Variants in METTL15 observed in about 807,000 individuals in gnomAD.
METTL15 encodes methyltransferase 15, mitochondrial 12S rRNA N4-cytidine, also known as 12S rRNA N(4)-cytidine methyltransferase METTL15.
Under a neutral mutation model 38.3 loss-of-function variants are expected in METTL15, and 34 were observed. The observed-to-expected ratio is 0.89, with a 90% confidence interval of 0.68 to 1.18. The LOEUF is 1.18. Ranked by LOEUF, METTL15 falls within the 50% of genes most tolerant of loss-of-function variation. The probability of loss-of-function intolerance (pLI) is 0.00; values close to 1 mark genes in which losing one functional copy is unlikely to be tolerated. For synonymous variants in METTL15, 162 were observed against 170.9 expected (o/e 0.95, Z 0.41); for missense variants, 438 against 498.4 (o/e 0.88, Z 1.15).
chr11:28,254,871 G>GA (rs1159616091), intron 4 of METTL15, among the ~76,000 whole-genome samples: 7 of 151,980 alleles, frequency 4.6e-5, no homozygotes, highest in African/African-American at 1.7e-4. Context: ...TATTATCTCT[G>GA]TAGTGTAATT....
At chr11:28,489,492 G>A (rs12276393) in intron 6 of METTL15, among the ~76,000 whole-genome samples, 2,838 of 152,228 alleles carry the variant, frequency 0.019, 55 homozygotes, top group African/African-American at 0.053. Context: ...TAAACAGGAT[G>A]TAGTTACTAT....
chr11:28,474,915 A>G (rs751750625), intron 6 of METTL15, among the ~76,000 whole-genome samples: 2 of 152,200 alleles, frequency 1.3e-5, no homozygotes, highest in Non-Finnish European at 2.9e-5. Context: ...TAAGTGCCCT[A>G]TGTTTAACAC....
intron 6 of METTL15, among the ~76,000 whole-genome samples, chr11:28,515,158 G>T (rs1014112875): frequency 3.9e-5 from 6 of 152,110 alleles, no homozygotes; most frequent in African/African-American, 1.4e-4. Context: ...GCATAAGAAA[G>T]AATAAATGAT....
chr11:28,123,263 A>AG (rs1473001992), intron 3 of METTL15, among the ~76,000 whole-genome samples: 2 of 152,136 alleles, frequency 1.3e-5, no homozygotes, highest in Non-Finnish European at 2.9e-5. Flanking sequence ...AGTTACTGCA[A>AG]GAGTCTAGGC....
At chr11:28,491,180 C>A (rs1464171869) in intron 6 of METTL15, among the ~76,000 whole-genome samples, 1 of 151,998 alleles carries the variant, frequency 6.6e-6, no homozygotes. Context: ...CTGTTTGGAC[C>A]CTATAATTTT....
At chr11:28,119,587 G>A (rs1001651680) in intron 3 of METTL15, among the ~76,000 whole-genome samples, 1 of 151,998 alleles carries the variant, frequency 6.6e-6, no homozygotes, top group African/African-American at 2.4e-5. Context: ...TGCTAGGTTC[G>A]GTTATAAATA....
intron 4 of METTL15, among the ~76,000 whole-genome samples, chr11:28,252,968 A>G (rs1465402259): frequency 6.6e-6 from 1 of 152,072 alleles, no homozygotes; most frequent in African/African-American, 2.4e-5. Context: ...GGTTTCCCTC[A>G]TTCACTCTGC....
chr11:28,117,753 C>G (rs746401367), intron 3 of METTL15, among the ~76,000 whole-genome samples: 8 of 152,168 alleles, frequency 5.3e-5, no homozygotes, highest in Non-Finnish European at 8.8e-5. Flanking sequence ...TGCTGTCTGG[C>G]AGACAGCTTT....
chr11:28,124,289 T>G (rs1264620187), intron 3 of METTL15, among the ~76,000 whole-genome samples: 2 of 152,110 alleles, frequency 1.3e-5, no homozygotes, highest in Non-Finnish European at 2.9e-5. Context: ...GACAGCTATT[T>G]GGCCTAACGT....
chr11:28,379,107 CT>C lies in METTL15; in HGVS notation c.*358+17079del, dbSNP rs1003452557. On this transcript the variant is annotated intron_variant and NMD_transcript_variant, in intron 5 of 7. Transcript: ENST00000532947. ...TGATTTTATTTATTTTTGGTGTACT[CT>C]TTTTTTTCCTCCCTAAATGTTTGTT... is the stretch of plus-strand genomic sequence containing the variant. Among the ~76,000 whole-genome samples the C allele has an allele frequency of 1.3e-4, 20 of 151,688 alleles. No individual in the cohort carries two copies. The South Asian group carries it at 3.3e-3, about 25-fold the overall frequency.
intron 3 of METTL15, among the ~76,000 whole-genome samples, chr11:28,342,004 A>G (rs769502015): frequency 6.6e-6 from 1 of 152,186 alleles, no homozygotes; most frequent in Non-Finnish European, 1.5e-5. Flanking sequence ...TTTAAAAAAC[A>G]TTCATGAGAA....
chr11:28,520,078 G>A (rs548230502), intron 6 of METTL15, among the ~76,000 whole-genome samples: 2 of 152,304 alleles, frequency 1.3e-5, no homozygotes, highest in South Asian at 2.1e-4. Context: ...GTTAGGTCAC[G>A]CCTGTAATCC....
intron 6 of METTL15, among the ~76,000 whole-genome samples, chr11:28,468,718 G>A (rs1248443799): frequency 1.3e-5 from 2 of 152,102 alleles, no homozygotes; most frequent in Admixed American, 6.5e-5. Context: ...TCAGCAAAGG[G>A]AGCTTCGTGA....
chr11:28,514,593 G>A (rs544646714), intron 6 of METTL15, among the ~76,000 whole-genome samples: 36 of 152,068 alleles, frequency 2.4e-4, no homozygotes, highest in Non-Finnish European at 4.7e-4. Context: ...TTCATCCCCC[G>A]CACTTACAAT....
intron 5 of METTL15, among the ~76,000 whole-genome samples, chr11:28,404,247 C>G (rs1850655706): frequency 6.6e-6 from 1 of 152,026 alleles, no homozygotes; most frequent in Non-Finnish European, 1.5e-5. Context: ...CCGTGGGGTC[C>G]AAGGATCCTG....
chr11:28,357,120 T>C (rs1019806144), intron 4 of METTL15, among the ~76,000 whole-genome samples: 3 of 152,166 alleles, frequency 2.0e-5, no homozygotes, highest in African/African-American at 7.2e-5. Flanking sequence ...TGCTTTTTAC[T>C]TTGGAAGGGG....
chr11:28,294,757 A>G (rs1185174808), intron 5 of METTL15, among the ~76,000 whole-genome samples: 1 of 152,112 alleles, frequency 6.6e-6, no homozygotes, highest in Non-Finnish European at 1.5e-5. Flanking sequence ...AGCCTGCCAA[A>G]CCTTCCAGTG....
intron 3 of METTL15, among the ~76,000 whole-genome samples, chr11:28,152,595 A>G (rs1850128643): frequency 6.6e-6 from 1 of 152,000 alleles, no homozygotes; most frequent in South Asian, 2.1e-4. Flanking sequence ...AAAGTAAAAT[A>G]CAGCCATCTC....
intron 5 of METTL15, among the ~76,000 whole-genome samples, chr11:28,381,082 C>T (rs541762518): frequency 1.6e-4 from 24 of 152,278 alleles, no homozygotes; most frequent in African/African-American, 5.8e-4. Context: ...CCTTGAACTC[C>T]TAGGCTAAAG....
Sources: gnomAD v4.1 joint callset for allele counts (sites outside exome capture counted in the v4.1 genomes callset) on GRCh38, gnomAD v4.1.1 for gene constraint, MANE v1.5 for transcripts, NCBI Gene and HGNC (gene_info 2026-07-23, HGNC 2026-07-21) for gene names.